The following TSEN2 variants were observed in gnomAD, a reference collection of about 807,000 sequenced individuals.
TSEN2 encodes the protein tRNA splicing endonuclease subunit 2.
Under a neutral mutation model 59.2 loss-of-function variants are expected in TSEN2, and 54 were observed. That is an observed-to-expected ratio of 0.91 (90% confidence interval 0.73 to 1.14). TSEN2 has a LOEUF of 1.14. Ranked by LOEUF, TSEN2 falls within the 50% of genes most tolerant of loss-of-function variation. The pLI is 0.00. For synonymous variants in TSEN2, 195 were observed against 198.2 expected (o/e 0.98, Z 0.14); for missense variants, 636 against 576.2 (o/e 1.10, Z -1.06).
At chr3:12,505,783 C>CAAAAAAAAAAAAAAAAAAAAA in intron 6 of TSEN2, among the ~76,000 whole-genome samples, 1 of 84,682 alleles carries the variant, frequency 1.2e-5, no homozygotes, top group South Asian at 5.3e-4. Flanking sequence ...AACTCTGTCT[C>CAAAAAAAAAAAAAAAAAAAAA]AAAAAAAAAA....
chr3:12,500,265 C>T (rs914316588), intron 4 of TSEN2, among the ~76,000 whole-genome samples: 2 of 152,254 alleles, frequency 1.3e-5, no homozygotes, highest in Middle Eastern at 3.2e-3. Context: ...ACGCCTTCAG[C>T]TCTGACCCAT....
intron 4 of TSEN2, 22 bp downstream of exon 4, chr3:12,496,576 C>T (rs767257272): frequency 6.2e-7 from 1 of 1,613,732 alleles, no homozygotes; most frequent in African/African-American, 1.3e-5. Context: ...TGAACTTTGG[C>T]TTCTGTCAAA....
chr3:12,520,771 C>CAG (rs35470355), intron 8 of TSEN2, among the ~76,000 whole-genome samples: 1 of 150,918 alleles, frequency 6.6e-6, no homozygotes, highest in Non-Finnish European at 1.5e-5. Flanking sequence ...GCCTGGGTGA[C>CAG]AGAGACTCCA....
upstream of TSEN2, among the ~76,000 whole-genome samples, chr3:12,480,590 G>C (rs1179366416): frequency 1.4e-5 from 2 of 142,650 alleles, no homozygotes; most frequent in African/African-American, 5.3e-5. Flanking sequence ...GAGTGTAGTG[G>C]CGCAATCTCC....
At chr3:12,507,770 G>A (rs1472750126) in intron 6 of TSEN2, among the ~76,000 whole-genome samples, 3 of 152,164 alleles carry the variant, frequency 2.0e-5, no homozygotes, top group Non-Finnish European at 4.4e-5. Flanking sequence ...GTTTCCTTGG[G>A]CCCAATGCCT....
chr3:12,485,322 G>T (rs935888827), intron 1 of TSEN2, among the ~76,000 whole-genome samples: 2 of 152,186 alleles, frequency 1.3e-5, no homozygotes, highest in African/African-American at 4.8e-5. Context: ...CACCTAAGAG[G>T]TGTTAGCCTG....
intron 6 of TSEN2, among the ~76,000 whole-genome samples, chr3:12,515,872 CT>C (rs370437335): frequency 0.02 from 2,952 of 147,162 alleles, 48 homozygotes; most frequent in South Asian, 0.061. Flanking sequence ...CTTTTCACAC[CT>C]TTTTTTTTTG....
intron 5 of TSEN2, 48 bp from the exon 6 acceptor site, chr3:12,505,105 AT>A (rs1453114211): frequency 9.7e-7 from 1 of 1,036,232 alleles, no homozygotes; most frequent in African/African-American, 1.6e-5. Context: ...TCTCTATGAC[AT>A]GTAGTGCTTC....
chr3:12,515,807 A>G (rs2056007413), intron 6 of TSEN2, among the ~76,000 whole-genome samples: 1 of 152,188 alleles, frequency 6.6e-6, no homozygotes, highest in Non-Finnish European at 1.5e-5. Context: ...ACTTCACCAA[A>G]GATGACTGGG....
chr3:12,513,929 C>T (rs61686776), intron 6 of TSEN2, among the ~76,000 whole-genome samples: 2,840 of 152,270 alleles, frequency 0.019, 47 homozygotes, highest in South Asian at 0.059. Context: ...TAGGGTGGCT[C>T]TGGCTGTTGG....
chr3:12,516,255 C>G (rs750598377), intron 6 of TSEN2, among the ~76,000 whole-genome samples: 2 of 151,962 alleles, frequency 1.3e-5, no homozygotes, highest in Non-Finnish European at 2.9e-5. Context: ...AAACCCGTCT[C>G]TACTGAAAAA....
At chr3:12,513,633 A>G (rs1306970433) in intron 6 of TSEN2, among the ~76,000 whole-genome samples, 1 of 152,204 alleles carries the variant, frequency 6.6e-6, no homozygotes, top group African/African-American at 2.4e-5. Flanking sequence ...CTCAAACTTC[A>G]GTCTTTGTGT....
Position 12,511,569 on chromosome 3 carries a change from C to CTTT in TSEN2, c.910-5029_910-5027dup, listed in dbSNP as rs35466636. Among the ~76,000 whole-genome samples, 221 of 141,106 alleles carry CTTT rather than the reference C, an allele frequency of 1.6e-3. 1 individual carries two copies. The highest frequency in any genetic ancestry group is 3.6e-3 in the Middle Eastern group (1 of 280). 92.6% of individuals were successfully genotyped at this position (141,106 alleles called of 152,430 possible). On this transcript the variant is annotated intron_variant, in intron 6 of 11. Transcript: ENST00000284995. Reference sequence around the variant, plus strand: ...GAAATAGAAAACAAGGATAATTATGCTTTTTTTTTTTTTTTGAGGCAGGGT... The same window carrying CTTT: ...GAAATAGAAAACAAGGATAATTATGCTTTTTTTTTTTTTTTTTTGAGGCAGGGT...
At chr3:12,486,551 T>C (rs1357121486) in intron 1 of TSEN2, among the ~76,000 whole-genome samples, 1 of 152,236 alleles carries the variant, frequency 6.6e-6, no homozygotes, top group African/African-American at 2.4e-5. Flanking sequence ...TAAAATAGCT[T>C]TATTGAGATA....
Position 12,489,857 on chromosome 3 carries a change from C to G in TSEN2, c.57C>G (p.Tyr19Ter), listed in dbSNP as rs760722955. 5.0e-6 allele frequency: 8 copies of G among 1,613,918 alleles called. No individual in the cohort carries two copies. Among genetic ancestry groups the G allele is most frequent in the Non-Finnish European group, 5.9e-6 (7 of 1,179,972 alleles). Residue 19 changes from tyrosine (Y) to a stop codon, truncating the protein, a stop_gained, in exon 2 of 12, where the codon TAC (tyrosine) becomes TAG (stop). Transcript: ENST00000284995. LOFTEE classifies it high-confidence loss of function. ...PKRKRRVYET[Y>*]ESPLPIPFGQ... ...GGAAAAGAAGAGTGTATGAGACTTA[C>G]GAGTCTCCATTGCCAATCCCTTTTG... is the stretch of plus-strand genomic sequence containing the variant.
intron 6 of TSEN2, among the ~76,000 whole-genome samples, chr3:12,508,034 G>A (rs765382945): frequency 6.6e-6 from 1 of 152,144 alleles, no homozygotes; most frequent in Non-Finnish European, 1.5e-5. Flanking sequence ...GCCTGGTCCT[G>A]GGCCAGCAGG....
intron 10 of TSEN2, chr3:12,530,802 C>G (rs2057407794): frequency 1.0e-6 from 1 of 972,874 alleles, no homozygotes; most frequent in Non-Finnish European, 1.2e-6. Flanking sequence ...TTCTTGGAAA[C>G]TGCAACTTTA....
chr3:12,507,310 C>G (rs940246654), intron 6 of TSEN2, among the ~76,000 whole-genome samples: 1 of 152,200 alleles, frequency 6.6e-6, no homozygotes, highest in African/African-American at 2.4e-5. Flanking sequence ...ACAGCAGATG[C>G]GTAGGCATTC....
At chr3:12,480,528 G>GTTTTT (rs752340308), upstream of TSEN2, among the ~76,000 whole-genome samples, 59 of 91,752 alleles carry the variant, frequency 6.4e-4, 1 homozygote, top group African/African-American at 1.3e-3. Flanking sequence ...TTGTTTCTTT[G>GTTTTT]TTTTTTTTTT....
Sources: gnomAD v4.1 joint callset for allele counts (sites outside exome capture counted in the v4.1 genomes callset) on GRCh38, gnomAD v4.1.1 for gene constraint, MANE v1.5 for transcripts, NCBI Gene and HGNC (gene_info 2026-07-23, HGNC 2026-07-21) for gene names.